PLXDC2: variants seen among roughly 807,000 people sequenced by gnomAD.
The protein encoded by PLXDC2 is plexin domain-containing protein 2.
Under a neutral mutation model 68.9 loss-of-function variants are expected in PLXDC2, and 40 were observed. That is an observed-to-expected ratio of 0.58 (90% CI 0.45 to 0.76). The LOEUF (loss-of-function observed/expected upper bound fraction) is 0.76, where lower values mean the gene tolerates loss of function less well. Among genes scored for constraint, PLXDC2 ranks in the 30% least tolerant of loss-of-function variants. The pLI, the probability that PLXDC2 is intolerant of heterozygous loss-of-function variation, is 0.00. For missense variants in PLXDC2, 644 were observed against 661.9 expected (o/e 0.97, Z 0.30); for synonymous variants, 243 against 234.2 (o/e 1.04, Z -0.34).
intron 9 of PLXDC2, among the ~76,000 whole-genome samples, chr10:20,208,993 A>G (rs1241978425): frequency 6.6e-6 from 1 of 152,128 alleles, no homozygotes; most frequent in Non-Finnish European, 1.5e-5. Flanking sequence ...TTCAGAAGGT[A>G]ATAGAATATC....
At position 20,043,579 on chromosome 10, in the gene PLXDC2, A is replaced by C. The variant is rs573749302; in HGVS notation, c.325-3290A>C. Among the ~76,000 whole-genome samples, 18 of 152,284 alleles carry C rather than the reference A, an allele frequency of 1.2e-4. No homozygotes were observed. The East Asian group carries it at 2.9e-3, about 24-fold the overall frequency. On this transcript the variant is annotated intron_variant, in intron 2 of 13. Transcript: ENST00000377252. The stretch of plus-strand genomic sequence containing the variant: ...CTCAATTGTGAAATTTTGACACCTT[A>C]AAGAAAATATCTATTTTGTAATATT...
rs115309546 is a variant in PLXDC2, at chr10:19,914,884, T to G, written c.113-86891T>G. Among the ~76,000 whole-genome samples, 1,451 of 152,286 alleles carry G rather than the reference T, an allele frequency of 9.5e-3. 16 individuals are homozygous for G. The highest frequency in any genetic ancestry group is 0.033 in the African/African-American group (1,387 of 41,570). Reference sequence around the variant, plus strand: ...CCTTTCTGTCTCTGGTAATTTTCATTGGTCTGAAGTCTACTTTATGTGGTA... The same window carrying G: ...CCTTTCTGTCTCTGGTAATTTTCATGGGTCTGAAGTCTACTTTATGTGGTA... On this transcript the variant is annotated intron_variant, in intron 1 of 13. Transcript: ENST00000377252.
At chr10:20,102,649 G>A (rs1483941099) in intron 4 of PLXDC2, among the ~76,000 whole-genome samples, 1 of 152,176 alleles carries the variant, frequency 6.6e-6, no homozygotes, top group Non-Finnish European at 1.5e-5. Context: ...TGAGCAAATG[G>A]CAGGGCCTAT....
chr10:19,952,466 C>T (rs1834005823), intron 1 of PLXDC2, among the ~76,000 whole-genome samples: 1 of 152,184 alleles, frequency 6.6e-6, no homozygotes, highest in Admixed American at 6.5e-5. Context: ...GATTCTCCCA[C>T]AGGATCTCAA....
At chr10:19,828,058 T>A (rs190826102) in intron 1 of PLXDC2, among the ~76,000 whole-genome samples, 1 of 152,328 alleles carries the variant, frequency 6.6e-6, no homozygotes, top group Admixed American at 6.5e-5. Context: ...TGTTAATACC[T>A]GGCTTCTTAG....
At chr10:20,136,511 C>A (rs138330767) in intron 4 of PLXDC2, among the ~76,000 whole-genome samples, 1 of 152,114 alleles carries the variant, frequency 6.6e-6, no homozygotes, top group South Asian at 2.1e-4. Flanking sequence ...ACAATAACTG[C>A]AAACCCGCAG....
intron 12 of PLXDC2, among the ~76,000 whole-genome samples, chr10:20,230,852 T>C (rs1835355889): frequency 6.6e-6 from 1 of 151,034 alleles, no homozygotes; most frequent in Non-Finnish European, 1.5e-5. Context: ...TGGAGGGTTT[T>C]TTTTTTCAAG....
chr10:20,033,546 C>T (rs912200123), intron 2 of PLXDC2, among the ~76,000 whole-genome samples: 8 of 152,144 alleles, frequency 5.3e-5, no homozygotes, highest in African/African-American at 9.7e-5. Flanking sequence ...GGAAGCCTCA[C>T]AATCACGGCA....
At chr10:20,240,671 G>A (rs1835502401) in intron 12 of PLXDC2, among the ~76,000 whole-genome samples, 1 of 133,230 alleles carries the variant, frequency 7.5e-6, no homozygotes, top group South Asian at 2.4e-4. Flanking sequence ...GAATAGAGAT[G>A]CTTGTACTGT....
At chr10:20,247,814 C>T (rs1164957816) in intron 13 of PLXDC2, among the ~76,000 whole-genome samples, 1 of 152,136 alleles carries the variant, frequency 6.6e-6, no homozygotes, top group Non-Finnish European at 1.5e-5. Flanking sequence ...TAATAAATAT[C>T]CTAGGACATT....
At chr10:20,234,425 C>T (rs1403038208) in intron 12 of PLXDC2, among the ~76,000 whole-genome samples, 1 of 152,094 alleles carries the variant, frequency 6.6e-6, no homozygotes, top group African/African-American at 2.4e-5. Flanking sequence ...TTTATAATAT[C>T]CATTTTCCTA....
intron 7 of PLXDC2, among the ~76,000 whole-genome samples, chr10:20,168,826 A>T (rs1443513218): frequency 6.6e-6 from 1 of 152,168 alleles, no homozygotes. Flanking sequence ...CCAAGGAGGA[A>T]AATTTAAATT....
chr10:19,856,444 C>A (rs1837216339), intron 1 of PLXDC2, among the ~76,000 whole-genome samples: 1 of 151,270 alleles, frequency 6.6e-6, no homozygotes. Context: ...TTATAATAAA[C>A]TTGGTTTGCC....
At chr10:20,168,306 G>A (rs1282863130) in intron 7 of PLXDC2, among the ~76,000 whole-genome samples, 1 of 152,118 alleles carries the variant, frequency 6.6e-6, no homozygotes, top group Middle Eastern at 3.2e-3. Flanking sequence ...ACCTAAAAAT[G>A]CAATGTGTAC....
intron 1 of PLXDC2, among the ~76,000 whole-genome samples, chr10:19,921,653 A>T (rs1833463557): frequency 6.6e-6 from 1 of 152,134 alleles, no homozygotes; most frequent in Non-Finnish European, 1.5e-5. Flanking sequence ...CCTCTTCCTT[A>T]AGGTTGCAGC....
intron 12 of PLXDC2, among the ~76,000 whole-genome samples, chr10:20,230,529 G>A (rs1481503231): frequency 2.6e-5 from 4 of 151,066 alleles, no homozygotes; most frequent in South Asian, 2.1e-4. Flanking sequence ...AAAATTAGCC[G>A]AGCATGGTGG....
rs1836094410 is a variant in PLXDC2, at chr10:20,282,487, C to G, written c.*2668C>G. On this transcript the variant is annotated 3_prime_UTR_variant, in exon 14 of 14. Transcript: ENST00000377252. ...AAGAGATGCAAACTTCTGGATAAAT[C>G]AGATAAATGGTGCTACAGAGGAATT... is the stretch of plus-strand genomic sequence containing the variant. 6.6e-6 allele frequency: 1 copy of G among 152,070 alleles called. No individual in the cohort carries two copies. The highest frequency in any genetic ancestry group is 1.5e-5 in the Non-Finnish European group (1 of 68,004). The allele number at this position is 152,070 out of a possible 1,614,324, so 9.4% of individuals were successfully genotyped here. A position where few individuals can be genotyped will look rare whatever the true frequency, so the allele number is the denominator to read the frequency against.
chr10:20,089,893 C>G (rs1368741444), intron 4 of PLXDC2, among the ~76,000 whole-genome samples: 1 of 152,202 alleles, frequency 6.6e-6, no homozygotes, highest in Admixed American at 6.5e-5. Context: ...TATTTTAACA[C>G]AGACTCCATC....
chr10:20,089,785 T>A (rs764029921), intron 4 of PLXDC2, among the ~76,000 whole-genome samples: 9 of 152,206 alleles, frequency 5.9e-5, no homozygotes, highest in Non-Finnish European at 1.0e-4. Context: ...GCTAGTTCAC[T>A]GCAGGTAAAA....
Sources: gnomAD v4.1 joint callset for allele counts (sites outside exome capture counted in the v4.1 genomes callset) on GRCh38, gnomAD v4.1.1 for gene constraint, MANE v1.5 for transcripts, NCBI Gene and HGNC (gene_info 2026-07-23, HGNC 2026-07-21) for gene names.